ABCA13: variants seen among roughly 807,000 people sequenced by gnomAD.
ABCA13 encodes ATP-binding cassette sub-family A member 13.
In ABCA13, 476 loss-of-function variants were observed where a neutral mutation model predicts 478.7. That is an observed-to-expected ratio of 0.99 (90% CI 0.92 to 1.07). The LOEUF is 1.07. Ranked by LOEUF, ABCA13 falls within the 50% of genes least tolerant of loss-of-function variation. ABCA13 has a pLI of 0.00. For synonymous variants in ABCA13, 2,252 were observed against 2,158.9 expected (o/e 1.04, Z -1.20); for missense variants, 6,060 against 5,910.6 (o/e 1.03, Z -0.83).
chr7:48,620,069 G>A (rs1056327298), intron 59 of ABCA13, among the ~76,000 whole-genome samples: 66 of 152,166 alleles, frequency 4.3e-4, no homozygotes, highest in African/African-American at 1.6e-3. Flanking sequence ...CTAACCAGAA[G>A]TCAATGTGGT....
chr7:48,406,911 GTA>G (rs747530522), intron 39 of ABCA13, among the ~76,000 whole-genome samples: 11 of 150,410 alleles, frequency 7.3e-5, no homozygotes, highest in Non-Finnish European at 1.3e-4. Flanking sequence ...TAAAATATAT[GTA>G]TATATATATA....
In ABCA13 at chr7:48,242,047, G is replaced by T. The variant is rs185403168; in HGVS notation, c.1262+981G>T. On this transcript the variant is annotated intron_variant, in intron 10 of 61. Coordinates refer to ENST00000435803, the MANE Select transcript of ABCA13 (RefSeq NM_152701.5). ...AGTAGTGTTCTAGGCAAAGGGCAGG[G>T]ACAAAACATCTGTCATAAATGAACA... Among the ~76,000 whole-genome samples the T allele has an allele frequency of 1.6e-4, 24 of 152,278 alleles. No individual in the cohort carries two copies. The East Asian group carries it at 4.2e-3, about 27-fold the overall frequency.
At chr7:48,574,199 G>T (rs1435679053) in intron 55 of ABCA13, among the ~76,000 whole-genome samples, 2 of 152,030 alleles carry the variant, frequency 1.3e-5, no homozygotes, top group Non-Finnish European at 2.9e-5. Context: ...AGAGTCTCTG[G>T]ATGATTCTGT....
intron 38 of ABCA13, among the ~76,000 whole-genome samples, chr7:48,394,009 C>G (rs73099347): frequency 0.034 from 5,236 of 152,274 alleles, 141 homozygotes; most frequent in Middle Eastern, 0.095. Flanking sequence ...AAACCCAACC[C>G]CCAGCTGTTC....
intron 3 of ABCA13, among the ~76,000 whole-genome samples, chr7:48,206,457 T>C (rs1784934183): frequency 6.6e-6 from 1 of 152,192 alleles, no homozygotes; most frequent in Non-Finnish European, 1.5e-5. Context: ...TGTTCTGTGG[T>C]GTTCACACAT....
intron 3 of ABCA13, among the ~76,000 whole-genome samples, chr7:48,202,603 A>C (rs1173010302): frequency 6.6e-6 from 1 of 150,946 alleles, no homozygotes; most frequent in Admixed American, 6.6e-5. Context: ...CTAGATACAG[A>C]GTGCCGATTG....
chr7:48,510,402 T>G (rs934500349), intron 50 of ABCA13, among the ~76,000 whole-genome samples: 1 of 152,154 alleles, frequency 6.6e-6, no homozygotes, highest in African/African-American at 2.4e-5. Flanking sequence ...TGGCTATTGT[T>G]GGCCTGCAGG....
chr7:48,330,597 C>T (rs1217202009), intron 27 of ABCA13, among the ~76,000 whole-genome samples: 2 of 150,280 alleles, frequency 1.3e-5, no homozygotes, highest in East Asian at 4.0e-4. Context: ...ATTCATGCAT[C>T]TATTCATCCA....
At chr7:48,505,990 G>A (rs868146220) in intron 48 of ABCA13, among the ~76,000 whole-genome samples, 1 of 152,108 alleles carries the variant, frequency 6.6e-6, no homozygotes, top group Non-Finnish European at 1.5e-5. Context: ...TTTGCATATT[G>A]TTACTTAGCC....
chr7:48,195,047 C>T (rs1476912065), intron 2 of ABCA13, among the ~76,000 whole-genome samples: 1 of 152,174 alleles, frequency 6.6e-6, no homozygotes, highest in Non-Finnish European at 1.5e-5. Flanking sequence ...GTCAGCCAAT[C>T]CATTCTAAAG....
chr7:48,491,104 G>A (rs1829799661), intron 48 of ABCA13, among the ~76,000 whole-genome samples: 1 of 152,154 alleles, frequency 6.6e-6, no homozygotes, highest in African/African-American at 2.4e-5. Flanking sequence ...TATAAGAAAT[G>A]GCAGGGAGAA....
At chr7:48,486,217 T>C (rs1051663576) in intron 47 of ABCA13, among the ~76,000 whole-genome samples, 5 of 152,204 alleles carry the variant, frequency 3.3e-5, no homozygotes, top group African/African-American at 9.6e-5. Flanking sequence ...CTAAAAGCCC[T>C]GTGTCTCCCT....
intron 5 of ABCA13, among the ~76,000 whole-genome samples, chr7:48,222,799 T>C (rs535530834): frequency 6.6e-6 from 1 of 152,278 alleles, no homozygotes; most frequent in East Asian, 1.9e-4. Context: ...GAGAGTGAAA[T>C]GGCTATCTGA....
At chr7:48,178,818 G>A (rs1166297614) in intron 1 of ABCA13, among the ~76,000 whole-genome samples, 1 of 151,332 alleles carries the variant, frequency 6.6e-6, no homozygotes, top group Non-Finnish European at 1.5e-5. Flanking sequence ...CAATTCGACT[G>A]TCAGGCTGAA....
chr7:48,187,551 A>G (rs1238621224), intron 1 of ABCA13, among the ~76,000 whole-genome samples: 8 of 151,882 alleles, frequency 5.3e-5, no homozygotes, highest in Admixed American at 4.6e-4. Flanking sequence ...TGTTTTTCAA[A>G]TATATTAGCT....
At chr7:48,587,691 G>A (rs1789319216) in intron 57 of ABCA13, among the ~76,000 whole-genome samples, 1 of 152,218 alleles carries the variant, frequency 6.6e-6, no homozygotes, top group African/African-American at 2.4e-5. Flanking sequence ...AAAGATGGGT[G>A]TTGAGAGTGA....
Position 48,279,834 on chromosome 7 carries a change from C to A in ABCA13, c.8640C>A (p.Phe2880Leu). The A allele has an allele frequency of 6.3e-7, 1 of 1,581,632 alleles. No individual in the cohort carries two copies. Among genetic ancestry groups the A allele is most frequent in the South Asian group, 1.2e-5 (1 of 84,592 alleles). Residue 2880 changes from phenylalanine (F) to leucine (L), a missense_variant, in exon 18 of 62, where the codon TTC (phenylalanine) becomes TTA (leucine). Transcript: ENST00000435803. ...AGATGATTGACTTTCCTTATAGTTT[C>A]AAACCATTTTTCTGTTTGGAGAAAT... ...KKEMIDFPYS[F>L]KPFFCLEKYL...
intron 44 of ABCA13, 30 bp downstream of exon 44, chr7:48,467,075 A>C (rs1325843758): frequency 1.3e-6 from 2 of 1,575,816 alleles, no homozygotes; most frequent in Non-Finnish European, 1.7e-6. Flanking sequence ...TGCAAAAGTG[A>C]ACACTCCCAA....
Position 48,273,457 on chromosome 7 carries a change from T to C in ABCA13, c.3791T>C (p.Leu1264Pro). 6.2e-7 allele frequency: 1 copy of C among 1,611,710 alleles called. No homozygotes were observed. Among genetic ancestry groups the C allele is most frequent in the Non-Finnish European group, 8.5e-7 (1 of 1,178,696 alleles). The change falls in exon 17 of 62, where the codon CTG (leucine) becomes CCG (proline). Residue 1264 changes from leucine to proline, a missense_variant. Physicochemically the swap from Leu to Pro is moderately conservative, Grantham distance 98 (BLOSUM62 -3). Transcript: ENST00000435803. Reference protein sequence around the residue: ...EKSLFTMEAALHQLKTFPFNE... With the variant: ...EKSLFTMEAAPHQLKTFPFNE... ...TCCCTTTTCACCATGGAAGCTGCCC[T>C]GCATCAGTTGAAGACATTTCCATTC...
Sources: allele counts gnomAD v4.1 joint callset (sites outside exome capture counted in the v4.1 genomes callset), GRCh38; gene constraint gnomAD v4.1.1; transcripts MANE v1.5; gene names NCBI Gene and HGNC (gene_info 2026-07-23, HGNC 2026-07-21).